Variants in ARHGEF4 observed in about 807,000 individuals in gnomAD.
ARHGEF4 encodes APC-stimulated guanine nucleotide exchange factor 1.
Under a neutral mutation model 162.0 loss-of-function variants are expected in ARHGEF4, and 119 were observed. The observed-to-expected ratio is 0.73, with a 90% confidence interval of 0.63 to 0.86. The LOEUF (loss-of-function observed/expected upper bound fraction) is 0.86, where lower values mean the gene tolerates loss of function less well. Among genes scored for constraint, ARHGEF4 ranks in the 40% least tolerant of loss-of-function variants. The pLI, the probability that ARHGEF4 is intolerant of heterozygous loss-of-function variation, is 0.00. For synonymous variants in ARHGEF4, 1,014 were observed against 979.9 expected, an observed-to-expected ratio of 1.03 and a Z score of -0.65; for missense variants, 2,488 against 2,456.0, an observed-to-expected ratio of 1.01 and a Z score of -0.28.
rs1377108518 is a variant in ARHGEF4 at position 131,040,085 on chromosome 2, G to T, written c.4375G>T (p.Gly1459Cys). The T allele has an allele frequency of 1.2e-5, 19 of 1,606,498 alleles. No homozygotes were observed. Among genetic ancestry groups the T allele is most frequent in the Non-Finnish European group, 1.5e-5 (18 of 1,176,652 alleles). ...GGCCGGGAACAGCGGAGCGGAGGAC[G>T]GCGGGGCGGAGGCGCAGAGCAGCAA... ...PLAGNSGAED[G>C]GAEAQSSKDQ... Residue 1459 changes from glycine to cysteine, a missense_variant, in exon 7 of 14, where the codon GGC becomes TGC. Transcript: ENST00000409359.
chr2:130,903,005 C>G (rs1231123524), intron 1 of ARHGEF4, among the ~76,000 whole-genome samples: 4 of 152,120 alleles, frequency 2.6e-5, no homozygotes, highest in Non-Finnish European at 4.4e-5. Context: ...TTCTCTGATT[C>G]CGTCCTCTGC....
intron 2 of ARHGEF4, among the ~76,000 whole-genome samples, chr2:130,926,539 AC>A (rs1324670399): frequency 1.3e-5 from 2 of 151,990 alleles, no homozygotes; most frequent in Non-Finnish European, 2.9e-5. Context: ...ACCACCTCTG[AC>A]TCCACTTTGG....
chr2:130,887,491 T>G (rs1444311279), intron 1 of ARHGEF4, among the ~76,000 whole-genome samples: 2 of 152,110 alleles, frequency 1.3e-5, no homozygotes, highest in African/African-American at 2.4e-5. Flanking sequence ...AATTGACCTA[T>G]TTTTATCATA....
At chr2:130,938,357 T>C (rs1415613381) in intron 3 of ARHGEF4, among the ~76,000 whole-genome samples, 1 of 152,210 alleles carries the variant, frequency 6.6e-6, no homozygotes, top group Non-Finnish European at 1.5e-5. Flanking sequence ...TTTAAATTTT[T>C]ACCATAATAG....
chr2:130,908,199 A>C (rs1162068472), intron 1 of ARHGEF4, among the ~76,000 whole-genome samples: 1 of 152,008 alleles, frequency 6.6e-6, no homozygotes. Context: ...TAGATATTAT[A>C]TTCTTTTTGT....
intron 4 of ARHGEF4, among the ~76,000 whole-genome samples, chr2:130,949,226 A>C (rs1683804832): frequency 6.6e-6 from 1 of 152,224 alleles, no homozygotes; most frequent in South Asian, 2.1e-4. Flanking sequence ...TGAAGCCATT[A>C]AGAACAGAAA....
intron 4 of ARHGEF4, among the ~76,000 whole-genome samples, chr2:130,985,639 A>G (rs1375062468): frequency 6.6e-6 from 1 of 152,188 alleles, no homozygotes. Flanking sequence ...AACTTGCATC[A>G]AGCAAATACA....
chr2:131,037,649 G>C (rs1007290661), intron 5 of ARHGEF4, among the ~76,000 whole-genome samples: 1 of 152,182 alleles, frequency 6.6e-6, no homozygotes, highest in Admixed American at 6.5e-5. Context: ...CCCTAGAACT[G>C]CTCATCATTC....
At chr2:131,011,110 A>G (rs1688421254) in intron 4 of ARHGEF4, among the ~76,000 whole-genome samples, 1 of 152,232 alleles carries the variant, frequency 6.6e-6, no homozygotes, top group South Asian at 2.1e-4. Flanking sequence ...AATTTCTCTT[A>G]TGTGAAGTGA....
intron 1 of ARHGEF4, among the ~76,000 whole-genome samples, chr2:130,840,822 C>T (rs1052243721): frequency 2.6e-5 from 4 of 152,276 alleles, no homozygotes; most frequent in Admixed American, 6.5e-5. Flanking sequence ...TCAATGGTGC[C>T]GGGAGGTCCA....
At chr2:131,027,817 T>C in intron 4 of ARHGEF4, 128 bp from the exon 5 acceptor site, 1 of 1,160,624 alleles carries the variant, frequency 8.6e-7, no homozygotes, top group South Asian at 1.6e-5. Flanking sequence ...AACCTAGCCC[T>C]GCAACCTGCA....
intron 1 of ARHGEF4, among the ~76,000 whole-genome samples, chr2:130,849,426 TG>T (rs1279071510): frequency 6.6e-6 from 1 of 151,792 alleles, no homozygotes; most frequent in Non-Finnish European, 1.5e-5. Flanking sequence ...GCCTGTGAGG[TG>T]GGATGGCAGC....
intron 1 of ARHGEF4, chr2:130,837,603 T>C: frequency 2.2e-6 from 1 of 451,500 alleles, no homozygotes; most frequent in South Asian, 1.6e-5. Context: ...TTGGGACGCC[T>C]CCACCTCGCT....
At position 130,904,553 on chromosome 2, in the gene ARHGEF4, T is replaced by C. The variant is rs375008833; in HGVS notation, c.40-9433T>C. Among the ~76,000 whole-genome samples, 14 of 152,210 alleles carry C rather than the reference T, an allele frequency of 9.2e-5. No individual in the cohort carries two copies. The East Asian group carries it at 2.5e-3, about 27-fold the overall frequency. ...AATATTGACAGTCAGGATCCAAACA[T>C]TGAGATTCTTCTGTATGTCAGAACT... is the stretch of plus-strand genomic sequence containing the variant. On this transcript the variant is annotated intron_variant, in intron 1 of 13. Coordinates refer to ENST00000409359, the MANE Select transcript of ARHGEF4 (RefSeq NM_001367493.1).
intron 4 of ARHGEF4, among the ~76,000 whole-genome samples, chr2:131,007,612 G>A (rs1573595278): frequency 6.6e-6 from 1 of 151,870 alleles, no homozygotes; most frequent in Non-Finnish European, 1.5e-5. Context: ...TCCAAAAATA[G>A]ATACTGTTAA....
intron 1 of ARHGEF4, among the ~76,000 whole-genome samples, chr2:130,861,241 C>A (rs1682002274): frequency 3.1e-5 from 1 of 32,482 alleles, no homozygotes; most frequent in African/African-American, 2.0e-4. Flanking sequence ...CCAGCTATAT[C>A]TTTTTATAGG....
chr2:130,896,545 G>A (rs1300399745), intron 1 of ARHGEF4, among the ~76,000 whole-genome samples: 1 of 152,244 alleles, frequency 6.6e-6, no homozygotes, highest in Non-Finnish European at 1.5e-5. Context: ...TATGAGATGA[G>A]AATGGCTATC....
intron 4 of ARHGEF4, among the ~76,000 whole-genome samples, chr2:130,975,191 G>A (rs1408010629): frequency 6.6e-6 from 1 of 152,208 alleles, no homozygotes; most frequent in Non-Finnish European, 1.5e-5. Flanking sequence ...ACTTAGCAGT[G>A]AGGATCGCAT....
In ARHGEF4 at chr2:130,916,115, G is replaced by A; in HGVS notation, c.2169G>A (p.Ser723=). The A allele has an allele frequency of 6.5e-7, 1 of 1,549,934 alleles. No homozygotes were observed. Residue 723 remains serine (S), a synonymous_variant, in exon 2 of 14, where the codon TCG becomes TCA. Coordinates refer to ENST00000409359, the MANE Select transcript of ARHGEF4 (RefSeq NM_001367493.1). ...LGRVLVPQAA[S]EETPSTEEPP... The stretch of plus-strand genomic sequence containing the variant: ...GAGTGCTGGTCCCCCAAGCTGCTTC[G>A]GAAGAGACGCCGAGCACAGAGGAGC...
Sources: allele counts gnomAD v4.1 joint callset (sites outside exome capture counted in the v4.1 genomes callset), GRCh38; gene constraint gnomAD v4.1.1; transcripts MANE v1.5; gene names NCBI Gene and HGNC (gene_info 2026-07-23, HGNC 2026-07-21).